The following UTRN variants were observed in gnomAD, a reference collection of about 807,000 sequenced individuals.
The protein encoded by UTRN is dystrophin-related protein 1.
UTRN carries 283 observed loss-of-function variants against 463.9 expected under a neutral mutation model. That is an observed-to-expected ratio of 0.61 (90% CI 0.55 to 0.67). UTRN has a LOEUF of 0.67. Ranked by LOEUF, UTRN falls within the 30% of genes least tolerant of loss-of-function variation. The pLI is 0.00. For synonymous variants in UTRN, 1,442 were observed against 1,431.5 expected, an observed-to-expected ratio of 1.01 and a Z score of -0.17; for missense variants, 3,922 against 4,084.3, an observed-to-expected ratio of 0.96 and a Z score of 1.08.
intron 51 of UTRN, among the ~76,000 whole-genome samples, chr6:144,661,891 T>C (rs1322239741): frequency 2.0e-5 from 3 of 152,176 alleles, no homozygotes; most frequent in Admixed American, 6.5e-5. Flanking sequence ...CCCTTTTAAC[T>C]CCCATGTCTT....
intron 34 of UTRN, among the ~76,000 whole-genome samples, chr6:144,510,330 C>G (rs1469704046): frequency 6.6e-6 from 1 of 152,162 alleles, no homozygotes; most frequent in Admixed American, 6.5e-5. Flanking sequence ...ATCATACCAT[C>G]CAGAGTATTA....
chr6:144,308,663 T>G (rs981709846), intron 2 of UTRN, among the ~76,000 whole-genome samples: 1 of 151,962 alleles, frequency 6.6e-6, no homozygotes, highest in Non-Finnish European at 1.5e-5. Context: ...CAATACCACA[T>G]CTATCCTCAA....
In UTRN at chr6:144,836,382, TA is replaced by T; in HGVS notation, c.9907del (p.Ile3303TyrfsTer13). The T allele has an allele frequency of 6.2e-7, 1 of 1,613,820 alleles. No homozygotes were observed. The highest frequency in any genetic ancestry group is 8.5e-7 in the Non-Finnish European group (1 of 1,179,800). Reference sequence around the variant, plus strand: ...CTGTCGGTTCACCGCCAGAGTCGATTATATCTCCCCATCACACGTCTGAGGA... The same window carrying T: ...CTGTCGGTTCACCGCCAGAGTCGATTTATCTCCCCATCACACGTCTGAGGA... ...LPVGSPPESI[I>X]SPHHTSEDSE... On this transcript the variant is annotated frameshift_variant, in exon 71 of 75. Transcript: ENST00000367545. LOFTEE classifies it high-confidence loss of function.
chr6:144,531,826 C>G (rs1261882070), intron 42 of UTRN, among the ~76,000 whole-genome samples: 1 of 151,970 alleles, frequency 6.6e-6, no homozygotes, highest in Non-Finnish European at 1.5e-5. Flanking sequence ...AAAGATAATT[C>G]ATTTGTTTTT....
Position 144,462,701 on chromosome 6 carries a change from T to A in UTRN, c.2901T>A (p.Leu967=). ...ATCAGAAACCTGCATTACATAAACT[T>A]GCAGAAGAAACAAAGGCTCTGGAGA... ...LENQKPALHK[L]AEETKALEKN... The change falls in exon 23 of 75, where the codon CTT becomes CTA. Residue 967 remains leucine (L), a synonymous_variant. Coordinates refer to ENST00000367545, the MANE Select transcript of UTRN (RefSeq NM_007124.3). 6.2e-7 allele frequency: 1 copy of A among 1,607,936 alleles called. No homozygotes were observed. Among genetic ancestry groups the A allele is most frequent in the Non-Finnish European group, 8.5e-7 (1 of 1,178,738 alleles).
intron 72 of UTRN, among the ~76,000 whole-genome samples, chr6:144,840,425 G>T (rs140684923): frequency 2.0e-5 from 3 of 152,204 alleles, no homozygotes; most frequent in Non-Finnish European, 2.9e-5. Context: ...AAAAATAATA[G>T]ATTTCTCATT....
intron 43 of UTRN, among the ~76,000 whole-genome samples, chr6:144,533,466 G>A (rs982772002): frequency 2.0e-4 from 30 of 151,972 alleles, no homozygotes; most frequent in Admixed American, 2.0e-4. Flanking sequence ...TGCTACATAT[G>A]TAAAAACCAA....
At chr6:144,761,297 G>C (rs1440556150) in intron 58 of UTRN, among the ~76,000 whole-genome samples, 2 of 152,090 alleles carry the variant, frequency 1.3e-5, no homozygotes, top group Admixed American at 1.3e-4. Flanking sequence ...TTCTGAAACT[G>C]ATCTAGTTAT....
At chr6:144,585,114 T>C (rs989545937) in intron 51 of UTRN, among the ~76,000 whole-genome samples, 1 of 152,090 alleles carries the variant, frequency 6.6e-6, no homozygotes, top group East Asian at 1.9e-4. Flanking sequence ...AAGTCAAGTA[T>C]TGGAGAAAGT....
intron 69 of UTRN, among the ~76,000 whole-genome samples, chr6:144,833,110 G>A (rs1182211912): frequency 6.6e-6 from 1 of 152,142 alleles, no homozygotes; most frequent in Non-Finnish European, 1.5e-5. Context: ...GTGAGCCACC[G>A]TGCCCAGCCA....
chr6:144,570,950 G>A (rs972580795), intron 50 of UTRN, among the ~76,000 whole-genome samples: 1 of 152,100 alleles, frequency 6.6e-6, no homozygotes, highest in African/African-American at 2.4e-5. Flanking sequence ...GGGTTTAATA[G>A]AATTAATCTG....
intron 2 of UTRN, among the ~76,000 whole-genome samples, chr6:144,395,447 C>G (rs1443495658): frequency 7.6e-6 from 1 of 132,440 alleles, no homozygotes; most frequent in Non-Finnish European, 1.6e-5. Context: ...GGAAAAGTTT[C>G]AAACAGTGTC....
chr6:144,441,278 A>G (rs1467030421), intron 13 of UTRN, among the ~76,000 whole-genome samples: 1 of 152,240 alleles, frequency 6.6e-6, no homozygotes, highest in Non-Finnish European at 1.5e-5. Flanking sequence ...CTGCAAAGTC[A>G]AAAGCAAGTT....
At chr6:144,458,005 CT>C (rs1789040310) in intron 19 of UTRN, among the ~76,000 whole-genome samples, 1 of 152,146 alleles carries the variant, frequency 6.6e-6, no homozygotes, top group Admixed American at 6.5e-5. Context: ...AAGGGAAGGA[CT>C]ATGATAAAAC....
chr6:144,463,059 A>G (rs1789579569), intron 23 of UTRN, among the ~76,000 whole-genome samples, 193 bp downstream of exon 23: 1 of 152,190 alleles, frequency 6.6e-6, no homozygotes, highest in African/African-American at 2.4e-5. Context: ...TTTGCCTGGA[A>G]GCAAAGTCAA....
In UTRN at chr6:144,699,473, G is replaced by GTTTTTTTTTTTT. The variant is rs71024902; in HGVS notation, c.7653-598_7653-587dup. ...AAATAATAATAATAATTAGTCAGTG[G>GTTTTTTTTTTTT]TTTTTTTTTTTTTTTTTTTTTTTTT... On this transcript the variant is annotated intron_variant, in intron 52 of 74. Coordinates refer to ENST00000367545, the MANE Select transcript of UTRN (RefSeq NM_007124.3). Among the ~76,000 whole-genome samples the GTTTTTTTTTTTT allele has an allele frequency of 4.9e-3, 330 of 67,618 alleles. 27 individuals are homozygous for GTTTTTTTTTTTT. The highest frequency in any genetic ancestry group is 0.022 in the Admixed American group (74 of 3,404). The allele number at this position is 67,618 out of a possible 152,430, so 44.4% of individuals were successfully genotyped here. A position where few individuals can be genotyped will look rare whatever the true frequency, so the allele number is the denominator to read the frequency against.
intron 64 of UTRN, chr6:144,799,522 G>A (rs1331114109): frequency 2.1e-6 from 1 of 471,346 alleles, no homozygotes; most frequent in Non-Finnish European, 4.4e-6. Flanking sequence ...GGCTACATTT[G>A]GAGTATCTGG....
chr6:144,306,113 TTC>T (rs1252520713), intron 2 of UTRN, among the ~76,000 whole-genome samples: 2 of 152,108 alleles, frequency 1.3e-5, no homozygotes, highest in African/African-American at 4.8e-5. Context: ...GTTACATACT[TTC>T]TGTTTTATTT....
chr6:144,777,847 A>T (rs768527161), intron 60 of UTRN, among the ~76,000 whole-genome samples: 1 of 152,206 alleles, frequency 6.6e-6, no homozygotes, highest in Non-Finnish European at 1.5e-5. Flanking sequence ...TAAGGTGTAG[A>T]TGGTGTTCAA....
Sources: allele counts gnomAD v4.1 joint callset (sites outside exome capture counted in the v4.1 genomes callset), GRCh38; gene constraint gnomAD v4.1.1; transcripts MANE v1.5; gene names NCBI Gene and HGNC (gene_info 2026-07-23, HGNC 2026-07-21).